The following AMBRA1 variants were observed in gnomAD, a reference collection of about 807,000 sequenced individuals.
The protein encoded by AMBRA1 is autophagy and beclin 1 regulator 1.
In AMBRA1, 47 loss-of-function variants were observed where a neutral mutation model predicts 125.4. The observed-to-expected ratio is 0.37, with a 90% CI of 0.30 to 0.48. The LOEUF (loss-of-function observed/expected upper bound fraction) is 0.48, where lower values mean the gene tolerates loss of function less well. Ranked by LOEUF, AMBRA1 falls within the 20% of genes least tolerant of loss-of-function variation. AMBRA1 has a pLI of 0.99. For synonymous variants in AMBRA1, 626 were observed against 655.5 expected (o/e 0.95, Z 0.69); for missense variants, 1,331 against 1,693.4 (o/e 0.79, Z 3.76).
rs1361760883 is a variant in AMBRA1, at chr11:46,515,127, C to T, written c.2073-2314G>A. ...CCTGTTGTGTTATCCTCCAAGTGGT[C>T]GTTTAGTAAGCTGAGGCCCTTTGGC... On this transcript the variant is annotated intron_variant, in intron 7 of 17. Coordinates refer to ENST00000683756, the MANE Select transcript of AMBRA1 (RefSeq NM_001387011.1). Among the ~76,000 whole-genome samples, 3 of 152,206 alleles carry T rather than the reference C, an allele frequency of 2.0e-5. No individual in the cohort carries two copies. In the East Asian group the frequency reaches 5.8e-4, roughly 29 times the overall value.
intron 8 of AMBRA1, among the ~76,000 whole-genome samples, chr11:46,511,052 T>C (rs1415764647): frequency 6.6e-6 from 1 of 152,188 alleles, no homozygotes; most frequent in Admixed American, 6.5e-5. Context: ...CTTTCCGTGA[T>C]AAAGATCACA....
chr11:46,558,890 A>G (rs565547394), intron 1 of AMBRA1, among the ~76,000 whole-genome samples: 7 of 152,320 alleles, frequency 4.6e-5, no homozygotes, highest in Admixed American at 6.5e-5. Flanking sequence ...CAGAGTTGTG[A>G]AAAGATCCCA....
intron 1 of AMBRA1, among the ~76,000 whole-genome samples, chr11:46,574,896 A>G (rs2043900533): frequency 6.6e-6 from 1 of 152,206 alleles, no homozygotes; most frequent in Admixed American, 6.6e-5. Context: ...TTTGTTACAA[A>G]TATTACATGG....
rs540053289 is a variant in AMBRA1 at position 46,523,067 on chromosome 11, A to G, written c.2073-10254T>C. ...CCAATTTCCCAGCTCATATCTGTCC[A>G]TGGAATGAGGTTTCTAGAATCTGCA... On this transcript the variant is annotated intron_variant, in intron 7 of 17. Transcript: ENST00000683756. Among the ~76,000 whole-genome samples, 3 of 152,330 alleles carry G rather than the reference A, an allele frequency of 2.0e-5. No individual in the cohort carries two copies. In the South Asian group the frequency reaches 6.2e-4, roughly 32 times the overall value.
chr11:46,418,275 GTTT>G (rs1211995999), intron 14 of AMBRA1, among the ~76,000 whole-genome samples: 1 of 133,078 alleles, frequency 7.5e-6, no homozygotes, highest in Non-Finnish European at 1.6e-5. Flanking sequence ...TATATAATAT[GTTT>G]TATTATTTAT....
At position 46,582,500 on chromosome 11, in the gene AMBRA1, A is replaced by T. The variant is rs202149587; in HGVS notation, c.-121+11328T>A. On this transcript the variant is annotated intron_variant, in intron 1 of 17. Transcript: ENST00000683756. ...TCTGGACTATAATCTCCATACAGGCATGGACATCTATTTTTCCACTCTAGT... is the reference window on the plus strand; with the variant it reads ...TCTGGACTATAATCTCCATACAGGCTTGGACATCTATTTTTCCACTCTAGT... Among the ~76,000 whole-genome samples the T allele has an allele frequency of 2.0e-5, 3 of 152,284 alleles. No homozygotes were observed. The East Asian group carries it at 5.8e-4, about 29-fold the overall frequency.
chr11:46,524,519 T>C (rs1167329922), intron 7 of AMBRA1, among the ~76,000 whole-genome samples: 1 of 152,236 alleles, frequency 6.6e-6, no homozygotes, highest in Admixed American at 6.5e-5. Context: ...GTTTGAGCCT[T>C]AGAATCAGAC....
At chr11:46,550,735 T>C (rs2042966127) in intron 1 of AMBRA1, among the ~76,000 whole-genome samples, 1 of 152,060 alleles carries the variant, frequency 6.6e-6, no homozygotes, top group African/African-American at 2.4e-5. Context: ...CAAGTGTCCA[T>C]CTAAAGGGTA....
chr11:46,428,797 T>C, intron 14 of AMBRA1: 1 of 1,611,356 alleles, frequency 6.2e-7, no homozygotes, highest in Non-Finnish European at 8.5e-7. Flanking sequence ...CTTCCCCTCT[T>C]GTGAGTCTCG....
intron 11 of AMBRA1, among the ~76,000 whole-genome samples, chr11:46,463,964 A>C (rs1006897283): frequency 3.9e-5 from 6 of 152,232 alleles, no homozygotes; most frequent in African/African-American, 1.4e-4. Flanking sequence ...CAGCCATTTC[A>C]TGCTCTGAAA....
At chr11:46,456,858 G>T (rs1360358163) in intron 11 of AMBRA1, among the ~76,000 whole-genome samples, 1 of 152,222 alleles carries the variant, frequency 6.6e-6, no homozygotes, top group Admixed American at 6.5e-5. Context: ...GGAGATGGCA[G>T]AAATGAAGAT....
intron 1 of AMBRA1, among the ~76,000 whole-genome samples, chr11:46,589,548 T>A (rs997598955): frequency 2.6e-5 from 4 of 152,114 alleles, no homozygotes; most frequent in Admixed American, 6.6e-5. Flanking sequence ...AAAAGACACC[T>A]CTCTGTGCTA....
At chr11:46,585,943 T>A (rs1331383884) in intron 1 of AMBRA1, among the ~76,000 whole-genome samples, 1 of 150,084 alleles carries the variant, frequency 6.7e-6, no homozygotes, top group Non-Finnish European at 1.5e-5. Context: ...GTAGCTGAGA[T>A]TACAGGCATG....
chr11:46,434,202 G>A (rs1324012823), intron 13 of AMBRA1, among the ~76,000 whole-genome samples: 1 of 149,510 alleles, frequency 6.7e-6, no homozygotes, highest in Non-Finnish European at 1.5e-5. Flanking sequence ...TTAACATCCT[G>A]TAATTACTAT....
intron 17 of AMBRA1, among the ~76,000 whole-genome samples, chr11:46,404,259 T>C (rs996293262): frequency 6.6e-6 from 1 of 152,226 alleles, no homozygotes; most frequent in Non-Finnish European, 1.5e-5. Flanking sequence ...ATCTCCCTTC[T>C]AGCCCAGCCC....
At chr11:46,443,467 C>T (rs899833288) in intron 12 of AMBRA1, 21 bp downstream of exon 12, 5 of 1,586,182 alleles carry the variant, frequency 3.2e-6, no homozygotes, top group Non-Finnish European at 4.3e-6. Flanking sequence ...CCACTGATAC[C>T]CCCATTTGAC....
chr11:46,540,770 AGCATTT>A (rs1351869498), intron 7 of AMBRA1, among the ~76,000 whole-genome samples: 1 of 152,246 alleles, frequency 6.6e-6, no homozygotes, highest in Non-Finnish European at 1.5e-5. Flanking sequence ...CATACAATGA[AGCATTT>A]GCTCATCTAT....
chr11:46,481,804 T>C (rs1227035206), intron 11 of AMBRA1, among the ~76,000 whole-genome samples: 1 of 152,264 alleles, frequency 6.6e-6, no homozygotes, highest in Non-Finnish European at 1.5e-5. Flanking sequence ...TGTCAAGTAC[T>C]AGCTGTGGTT....
chr11:46,518,228 G>A (rs1445381210), intron 7 of AMBRA1: 2 of 257,760 alleles, frequency 7.8e-6, no homozygotes, highest in South Asian at 1.3e-4. Flanking sequence ...TCAGGAGTTC[G>A]AGACCAGCCT....
Sources: gnomAD v4.1 joint callset for allele counts (sites outside exome capture counted in the v4.1 genomes callset) on GRCh38, gnomAD v4.1.1 for gene constraint, MANE v1.5 for transcripts, NCBI Gene and HGNC (gene_info 2026-07-23, HGNC 2026-07-21) for gene names.